Variants in STAM observed in about 807,000 individuals in gnomAD.
The protein encoded by STAM is signal transducing adapter molecule 1.
STAM carries 16 observed loss-of-function variants against 63.4 expected under a neutral mutation model. That is an observed-to-expected ratio of 0.25 (90% CI 0.17 to 0.38). The LOEUF (loss-of-function observed/expected upper bound fraction) is 0.38. STAM is among the 10% of genes least tolerant of loss of function. The pLI, the probability that STAM is intolerant of heterozygous loss-of-function variation, is 1.00. For missense variants in STAM, 636 were observed against 657.1 expected (o/e 0.97, Z 0.35); for synonymous variants, 238 against 223.9 (o/e 1.06, Z -0.56).
intron 5 of STAM, among the ~76,000 whole-genome samples, chr10:17,692,832 A>C (rs1835597908): frequency 6.6e-6 from 1 of 151,748 alleles, no homozygotes; most frequent in African/African-American, 2.4e-5. Context: ...TAGATACTAC[A>C]GTTTTTTTTT....
Position 17,672,611 on chromosome 10 carries a change from C to A in STAM, c.125+12063C>A, listed in dbSNP as rs1480628589. Among the ~76,000 whole-genome samples, 14 of 152,292 alleles carry A rather than the reference C, an allele frequency of 9.2e-5. 2 individuals carry two copies. The Middle Eastern group carries it at 0.02, about 222-fold the overall frequency. On this transcript the variant is annotated intron_variant, in intron 2 of 13. Coordinates refer to ENST00000377524, the MANE Select transcript of STAM (RefSeq NM_003473.4). The stretch of plus-strand genomic sequence containing the variant: ...CATGCATATTTTATCTAACATAGTC[C>A]TGTATGCAAGCCAGCTTCTTCAGCT...
rs782413686 is a variant in STAM, at chr10:17,696,787, G to A, written c.741G>A (p.Trp247Ter). 6.2e-7 allele frequency: 1 copy of A among 1,613,286 alleles called. No individual in the cohort carries two copies. ...TTGTTTGTCATAGTGATCCTAACTG[G>A]TGGAAAGGTGAAACCCATCAAGGCA... is the stretch of plus-strand genomic sequence containing the variant. ...ITVLDDSDPN[W>*]WKGETHQGIG... The change falls in exon 8 of 14, where the codon TGG (tryptophan) becomes TGA (stop). Residue 247 changes from tryptophan (W) to a stop codon, truncating the protein, a stop_gained. Coordinates refer to ENST00000377524, the MANE Select transcript of STAM (RefSeq NM_003473.4). LOFTEE classifies it high-confidence loss of function.
chr10:17,678,151 A>G (rs920716192), intron 2 of STAM, among the ~76,000 whole-genome samples: 6 of 152,156 alleles, frequency 3.9e-5, no homozygotes, highest in Non-Finnish European at 8.8e-5. Flanking sequence ...ATTCCTGGAA[A>G]CCACTAATCT....
Position 17,644,292 on chromosome 10 carries a change from C to G in STAM, c.-48C>G, listed in dbSNP as rs369452515. On this transcript the variant is annotated 5_prime_UTR_variant, in exon 1 of 14. Coordinates refer to ENST00000377524, the MANE Select transcript of STAM (RefSeq NM_003473.4). ...CCATCCTACGTCGAGCTCTGACTCC[C>G]GTGCTGTCGAGAGGGAGTCCCCGGG... is the stretch of plus-strand genomic sequence containing the variant. 2.1e-5 allele frequency: 34 copies of G among 1,609,638 alleles called. 1 individual carries two copies. In the South Asian group the frequency reaches 3.3e-4, roughly 16 times the overall value.
At position 17,679,914 on chromosome 10, in the gene STAM, G is replaced by A. The variant is rs1835010180; in HGVS notation, c.126-4761G>A. Among the ~76,000 whole-genome samples the A allele has an allele frequency of 2.0e-5, 3 of 151,812 alleles. No individual in the cohort carries two copies. The South Asian group carries it at 6.2e-4, about 31-fold the overall frequency. On this transcript the variant is annotated intron_variant, in intron 2 of 13. Transcript: ENST00000377524. ...CTTTTAAAATCCTTTTTATTTCAGTGAGGTTGAGAGTAATGTTCCCTCTTT... is the reference window on the plus strand; with the variant it reads ...CTTTTAAAATCCTTTTTATTTCAGTAAGGTTGAGAGTAATGTTCCCTCTTT...
chr10:17,659,463 C>CTTTTT (rs1223509007), intron 1 of STAM, among the ~76,000 whole-genome samples: 5,551 of 107,276 alleles, frequency 0.052, 183 homozygotes, highest in Middle Eastern at 0.07. Flanking sequence ...TTCTCTTCCT[C>CTTTTT]TTTTTTTTTT....
chr10:17,661,296 A>G (rs1554822860), intron 2 of STAM, among the ~76,000 whole-genome samples: 1 of 152,206 alleles, frequency 6.6e-6, no homozygotes, highest in East Asian at 1.9e-4. Flanking sequence ...CTTTCATGTG[A>G]AAAAGATTAG....
intron 10 of STAM, 57 bp downstream of exon 10, chr10:17,704,575 G>C: frequency 2.9e-6 from 4 of 1,385,938 alleles, no homozygotes; most frequent in Non-Finnish European, 3.1e-6. Context: ...AATAACTGGT[G>C]TCCTGTTAAA....
intron 9 of STAM, 44 bp from the exon 10 acceptor site, chr10:17,704,387 C>G (rs1554828912): frequency 2.6e-6 from 4 of 1,538,236 alleles, no homozygotes; most frequent in Middle Eastern, 1.7e-4. Context: ...ATAAAGTTGC[C>G]TAAAGGTTGG....
intron 2 of STAM, among the ~76,000 whole-genome samples, chr10:17,674,669 T>C (rs1355188901): frequency 6.6e-6 from 1 of 152,198 alleles, no homozygotes; most frequent in Admixed American, 6.5e-5. Flanking sequence ...CTATATTTTA[T>C]TGGTCAAGCA....
intron 9 of STAM, among the ~76,000 whole-genome samples, chr10:17,702,948 G>A (rs1311467889): frequency 5.6e-5 from 8 of 143,162 alleles, no homozygotes; most frequent in Non-Finnish European, 9.0e-5. Flanking sequence ...GCGGAAGGTC[G>A]TAGTGAGCCA....
At chr10:17,689,089 G>A (rs1835422335) in intron 5 of STAM, among the ~76,000 whole-genome samples, 1 of 152,060 alleles carries the variant, frequency 6.6e-6, no homozygotes, top group Non-Finnish European at 1.5e-5. Context: ...CCACCCTTGT[G>A]CCAAAAAAAT....
In STAM at chr10:17,689,387, A is replaced by G. The variant is rs115773985; in HGVS notation, c.444+1214A>G. 7.5e-3 allele frequency among the ~76,000 whole-genome samples: 1,144 copies of G among 152,274 alleles called. 11 individuals carry two copies. The highest frequency in any genetic ancestry group is 0.026 in the African/African-American group (1,089 of 41,550). ...CCAGACCTACATGTGCTTTCTTCCCAAGGCATTTCCAGTTTATCTGAGCAC... is the reference window on the plus strand; with the variant it reads ...CCAGACCTACATGTGCTTTCTTCCCGAGGCATTTCCAGTTTATCTGAGCAC... On this transcript the variant is annotated intron_variant, in intron 5 of 13. Coordinates refer to ENST00000377524, the MANE Select transcript of STAM (RefSeq NM_003473.4).
chr10:17,679,179 C>T lies in STAM; in HGVS notation c.126-5496C>T, dbSNP rs143879916. Among the ~76,000 whole-genome samples, 287 of 152,224 alleles carry T rather than the reference C, an allele frequency of 1.9e-3. 1 individual carries two copies. Among genetic ancestry groups the T allele is most frequent in the African/African-American group, 3.5e-3 (145 of 41,514 alleles). The stretch of plus-strand genomic sequence containing the variant: ...TAGCTACACCATTTTACATTCCCAC[C>T]GGCAATGTACAAGGGTTCTAATTTC... On this transcript the variant is annotated intron_variant, in intron 2 of 13. Transcript: ENST00000377524.
intron 2 of STAM, 40 bp downstream of exon 2, chr10:17,660,588 T>C: frequency 6.6e-7 from 1 of 1,525,964 alleles, no homozygotes; most frequent in Admixed American, 2.0e-5. Flanking sequence ...ATTCTTTCTT[T>C]TTAAAAAACA....
At chr10:17,678,384 A>G (rs2131618131) in intron 2 of STAM, among the ~76,000 whole-genome samples, 1 of 152,148 alleles carries the variant, frequency 6.6e-6, no homozygotes, top group East Asian at 1.9e-4. Flanking sequence ...CCTCCTGGGT[A>G]GCTTGGATGG....
chr10:17,686,395 G>C (rs1176339934), intron 4 of STAM, among the ~76,000 whole-genome samples: 2 of 70,580 alleles, frequency 2.8e-5, no homozygotes, highest in Non-Finnish European at 5.9e-5. Context: ...TTTTTTTTTT[G>C]AGACAGTGTC....
At chr10:17,673,476 T>C (rs1335999556) in intron 2 of STAM, among the ~76,000 whole-genome samples, 3 of 152,170 alleles carry the variant, frequency 2.0e-5, no homozygotes, top group Admixed American at 6.5e-5. Context: ...AATGACAGTG[T>C]TTTAACTTCA....
Position 17,661,478 on chromosome 10 carries a change from TTA to T in STAM, c.125+932_125+933del, listed in dbSNP as rs1158931727. ...TTGGTCTCACAACTTCCAGCTGTCT[TTA>T]TGTAGATGGCATCTGTATTTGCAGC... On this transcript the variant is annotated intron_variant, in intron 2 of 13. Transcript: ENST00000377524. Among the ~76,000 whole-genome samples the T allele has an allele frequency of 2.0e-5, 3 of 152,318 alleles. No individual in the cohort carries two copies. In the East Asian group the frequency reaches 5.8e-4, roughly 29 times the overall value.
Sources: gnomAD v4.1 joint callset for allele counts (sites outside exome capture counted in the v4.1 genomes callset) on GRCh38, gnomAD v4.1.1 for gene constraint, MANE v1.5 for transcripts, NCBI Gene and HGNC (gene_info 2026-07-23, HGNC 2026-07-21) for gene names.